LOXL2: variants seen among roughly 807,000 people sequenced by gnomAD.
LOXL2 encodes lysyl oxidase like 2.
Under a neutral mutation model 93.0 loss-of-function variants are expected in LOXL2, and 70 were observed. That is an observed-to-expected ratio of 0.75 (90% confidence interval 0.62 to 0.92). The LOEUF (loss-of-function observed/expected upper bound fraction) is 0.92. Ranked by LOEUF, LOXL2 falls within the 40% of genes least tolerant of loss-of-function variation. The probability of loss-of-function intolerance (pLI) is 0.00; values close to 1 mark genes in which losing one functional copy is unlikely to be tolerated. For synonymous variants in LOXL2, 438 were observed against 413.2 expected (o/e 1.06, Z -0.73); for missense variants, 973 against 1,054.9 (o/e 0.92, Z 1.08).
At position 23,297,834 on chromosome 8, in the gene LOXL2, C is replaced by G. The variant is rs1803061805; in HGVS notation, c.*209G>C. 1.9e-5 allele frequency: 10 copies of G among 537,588 alleles called. No individual in the cohort carries two copies. In the South Asian group the frequency reaches 2.5e-4, roughly 13 times the overall value. 33.3% of individuals were successfully genotyped at this position (537,588 alleles called of 1,614,324 possible). A position where few individuals can be genotyped will look rare whatever the true frequency, so the allele number is the denominator to read the frequency against. ...ACAAACCCCACCCCCGCAAGGCCTT[C>G]TCAGGCCCCAAGGGTCAGGTAGCAG... On this transcript the variant is annotated 3_prime_UTR_variant, in exon 14 of 14. Transcript: ENST00000389131.
At chr8:23,327,150 G>A (rs1370068373) in intron 6 of LOXL2, among the ~76,000 whole-genome samples, 2 of 152,172 alleles carry the variant, frequency 1.3e-5, no homozygotes, top group Non-Finnish European at 2.9e-5. Flanking sequence ...CCAACGTCAG[G>A]GCACCCTGTA....
In LOXL2 at chr8:23,404,060, C is replaced by A. The variant is rs770192575; in HGVS notation, c.-190G>T. 2 of 209,736 alleles carry A rather than the reference C, an allele frequency of 9.5e-6. No homozygotes were observed. The highest frequency in any genetic ancestry group is 2.0e-5 in the Non-Finnish European group (2 of 99,148). 13.0% of individuals were successfully genotyped at this position (209,736 alleles called of 1,614,324 possible). ...CCTTTCTCGAGCAGAGGGGGCGGCT[C>A]TGGTCTCCGATGGCTGGAGAAAGCA... On this transcript the variant is annotated 5_prime_UTR_variant, in exon 1 of 14. Coordinates refer to ENST00000389131, the MANE Select transcript of LOXL2 (RefSeq NM_002318.3).
intron 3 of LOXL2, among the ~76,000 whole-genome samples, chr8:23,347,821 A>T (rs980900621): frequency 7.2e-5 from 11 of 152,156 alleles, no homozygotes; most frequent in Non-Finnish European, 1.5e-4. Context: ...AAAAGTTAAA[A>T]AATTAGCTGG....
At chr8:23,316,861 G>T in intron 9 of LOXL2, 88 bp downstream of exon 9, 2 of 1,310,370 alleles carry the variant, frequency 1.5e-6, no homozygotes, top group East Asian at 2.6e-5. Flanking sequence ...CTTGGCTCAT[G>T]GCAAGGCTTC....
intron 11 of LOXL2, among the ~76,000 whole-genome samples, chr8:23,302,850 G>T (rs187558264): frequency 6.8e-6 from 1 of 146,734 alleles, no homozygotes; most frequent in Non-Finnish European, 1.5e-5. Context: ...CTGCCGGGAC[G>T]GGGGGGCGCT....
chr8:23,397,205 G>C (rs1047165291), intron 1 of LOXL2, among the ~76,000 whole-genome samples: 3 of 145,700 alleles, frequency 2.1e-5, no homozygotes, highest in Non-Finnish European at 4.5e-5. Context: ...TGGTCGGAGG[G>C]GGAGAGTGGA....
intron 4 of LOXL2, among the ~76,000 whole-genome samples, chr8:23,334,622 A>C (rs1208133258): frequency 6.6e-6 from 1 of 152,112 alleles, no homozygotes; most frequent in Non-Finnish European, 1.5e-5. Context: ...AACATGTGCA[A>C]AGTGTTCCTT....
chr8:23,363,239 G>A (rs898513249), intron 2 of LOXL2: 1 of 152,182 alleles, frequency 6.6e-6, no homozygotes, highest in African/African-American at 2.4e-5. Context: ...GCTCTTCAAG[G>A]TCGATAAGCA....
chr8:23,323,301 G>T (rs561562691), intron 6 of LOXL2, among the ~76,000 whole-genome samples: 11 of 152,212 alleles, frequency 7.2e-5, no homozygotes, highest in African/African-American at 2.7e-4. Context: ...AGTCAGGAGA[G>T]AAAACCCTAT....
Position 23,320,057 on chromosome 8 carries a change from A to T in LOXL2, c.1303-5T>A. ...GCGGCCGCCGTTCAGGCGCAGCTGC[A>T]GACACAAAGGCAGGCCACGGTCACC... On this transcript the variant is annotated splice_polypyrimidine_tract_variant and splice_region_variant and intron_variant, in intron 7 of 13. Coordinates refer to ENST00000389131, the MANE Select transcript of LOXL2 (RefSeq NM_002318.3). 6.2e-7 allele frequency: 1 copy of T among 1,613,704 alleles called. No homozygotes were observed. The highest frequency in any genetic ancestry group is 1.1e-5 in the South Asian group (1 of 91,074).
chr8:23,329,635 G>A (rs1053250536), intron 5 of LOXL2, among the ~76,000 whole-genome samples: 1 of 152,208 alleles, frequency 6.6e-6, no homozygotes, highest in African/African-American at 2.4e-5. Flanking sequence ...CTCAGCTACT[G>A]CTGATGCTCA....
In LOXL2 at chr8:23,302,087, A is replaced by G. The variant is rs201401029; in HGVS notation, c.2073T>C (p.His691=). ...TGTCAACCCACTGGCAGTCGATGTC[A>G]TGGCGGTACATGTCCCAGCAGCCCA... ...ITMGCWDMYR[H]DIDCQWVDIT... The change falls in exon 12 of 14, where the codon CAT becomes CAC. Residue 691 remains histidine (H), a synonymous_variant. Transcript: ENST00000389131. The G allele has an allele frequency of 1.2e-6, 2 of 1,614,014 alleles. No homozygotes were observed. The highest frequency in any genetic ancestry group is 1.6e-4 in the Middle Eastern group (1 of 6,084).
At chr8:23,306,335 C>T (rs770759089) in intron 10 of LOXL2, among the ~76,000 whole-genome samples, 35 of 152,184 alleles carry the variant, frequency 2.3e-4, no homozygotes, top group African/African-American at 8.2e-4. Context: ...CACGTGTCCG[C>T]GGGGCATCCA....
chr8:23,398,883 G>A (rs1265562400), intron 1 of LOXL2, among the ~76,000 whole-genome samples: 1 of 151,984 alleles, frequency 6.6e-6, no homozygotes, highest in African/African-American at 2.4e-5. Context: ...GCCTAGAGAC[G>A]TCCCTGACGC....
chr8:23,355,207 A>T, intron 3 of LOXL2, among the ~76,000 whole-genome samples: 1 of 151,758 alleles, frequency 6.6e-6, no homozygotes, highest in East Asian at 1.9e-4. Context: ...GGCCTCCCAA[A>T]GTGCTGGGAT....
At chr8:23,339,128 T>G (rs1172272761) in intron 4 of LOXL2, among the ~76,000 whole-genome samples, 1 of 151,998 alleles carries the variant, frequency 6.6e-6, no homozygotes, top group Non-Finnish European at 1.5e-5. Context: ...ACCTTTCTCT[T>G]TGGGACACAT....
At chr8:23,325,469 T>A (rs373559267) in intron 6 of LOXL2, among the ~76,000 whole-genome samples, 1 of 152,070 alleles carries the variant, frequency 6.6e-6, no homozygotes, top group Non-Finnish European at 1.5e-5. Flanking sequence ...TTTAAAAAAA[T>A]TTTGTAGAGA....
chr8:23,376,080 A>T (rs1322922848), intron 1 of LOXL2, among the ~76,000 whole-genome samples: 1 of 152,096 alleles, frequency 6.6e-6, no homozygotes, highest in Non-Finnish European at 1.5e-5. Context: ...TGGGTTTGTC[A>T]TGAATAGCTC....
intron 1 of LOXL2, among the ~76,000 whole-genome samples, chr8:23,397,960 CAAAAAAAAAAAA>C (rs11295140): frequency 1.1e-5 from 1 of 91,008 alleles, no homozygotes; most frequent in South Asian, 4.1e-4. Flanking sequence ...GACTCTGTCT[CAAAAAAAAAAAA>C]AAAAAAAAAA....
Sources: gnomAD v4.1 joint callset for allele counts (sites outside exome capture counted in the v4.1 genomes callset) on GRCh38, gnomAD v4.1.1 for gene constraint, MANE v1.5 for transcripts, NCBI Gene and HGNC (gene_info 2026-07-23, HGNC 2026-07-21) for gene names.